Variants in ROS1 observed in about 807,000 individuals in gnomAD.
ROS1 encodes the protein ROS proto-oncogene 1, receptor tyrosine kinase.
A neutral mutation model predicts 273.5 loss-of-function variants in ROS1; 263 were observed. The observed-to-expected ratio is 0.96, with a 90% confidence interval of 0.87 to 1.06. ROS1 has a LOEUF of 1.06. ROS1 is among the 50% of genes least tolerant of loss of function. The pLI, the probability that ROS1 is intolerant of heterozygous loss-of-function variation, is 0.00. For missense variants in ROS1, 2,833 were observed against 2,751.1 expected (o/e 1.03, Z -0.67); for synonymous variants, 1,008 against 954.1 (o/e 1.06, Z -1.04).
intron 4 of ROS1, among the ~76,000 whole-genome samples, chr6:117,414,246 T>C (rs551432442): frequency 6.6e-6 from 1 of 152,190 alleles, no homozygotes; most frequent in Non-Finnish European, 1.5e-5. Context: ...CCAAACCAGA[T>C]TAGAGTAATA....
intron 9 of ROS1, 96 bp from the exon 10 acceptor site, chr6:117,394,834 C>G: frequency 8.9e-7 from 1 of 1,123,650 alleles, no homozygotes; most frequent in Non-Finnish European, 1.2e-6. Context: ...AGCAAGGGGA[C>G]TAGTGCTTGA....
chr6:117,300,475 T>C (rs1392221630), intron 43 of ROS1, among the ~76,000 whole-genome samples: 2 of 151,770 alleles, frequency 1.3e-5, no homozygotes, highest in Admixed American at 1.3e-4. Flanking sequence ...CAGGAAAACA[T>C]ACAAATGAAA....
At position 117,308,813 on chromosome 6, in the gene ROS1, T is replaced by A. The variant is rs1224719700; in HGVS notation, c.6532A>T (p.Arg2178Ter). 3.7e-6 allele frequency: 6 copies of A among 1,613,148 alleles called. No homozygotes were observed. Among genetic ancestry groups the A allele is most frequent in the Non-Finnish European group, 5.1e-6 (6 of 1,179,584 alleles). The change falls in exon 42 of 44, where the codon AGA becomes TGA. Residue 2178 changes from arginine to a stop codon, truncating the protein, a stop_gained. Transcript: ENST00000368507. LOFTEE classifies it high-confidence loss of function. ...ACTTACAGATCATCAGGACAATTTC[T>A]TGGTGGCTCCAGTCTCCCTCCTGTT... ...VQTGGRLEPPRNCPDDLWNLM... is the reference protein window; with the variant it reads ...VQTGGRLEPP
Position 117,357,808 on chromosome 6 carries a change from A to G in ROS1, c.3835T>C (p.Leu1279=). 1 of 1,589,064 alleles carries G rather than the reference A, an allele frequency of 6.3e-7. No individual in the cohort carries two copies. The highest frequency in any genetic ancestry group is 8.6e-7 in the Non-Finnish European group (1 of 1,159,190). The change falls in exon 25 of 44, where the codon TTA becomes CTA. Residue 1279 remains leucine (L), a synonymous_variant. Transcript: ENST00000368507. ...TIISFSVYPL[L]SRLYWTEVSN... is the part of the protein sequence containing the mutation. ...AAAATACTTGCATTTACATACCTTA[A>G]AAGAGGATATACAGAAAAAGAAATT...
chr6:117,344,244 A>G lies in ROS1; in HGVS notation c.4322T>C (p.Leu1441Pro), dbSNP rs2128626335. The G allele has an allele frequency of 1.2e-6, 2 of 1,613,562 alleles. No individual in the cohort carries two copies. Among genetic ancestry groups the G allele is most frequent in the African/African-American group, 1.3e-5 (1 of 75,036 alleles). The change falls in exon 28 of 44, where the codon CTA becomes CCA. Residue 1441 changes from leucine (L) to proline (P), a missense_variant. Transcript: ENST00000368507. ...QPFPDKAFLS[L>P]ASDTVEPTIL... is the part of the protein sequence containing the mutation. Reference sequence around the variant, plus strand: ...AGTTGGTTCCACAGTGTCTGAAGCTAGAGACAGAAACGCTTTATCTAAAAT... The same window carrying G: ...AGTTGGTTCCACAGTGTCTGAAGCTGGAGACAGAAACGCTTTATCTAAAAT...
At chr6:117,421,980 C>T (rs1775793583) in intron 1 of ROS1, among the ~76,000 whole-genome samples, 1 of 152,080 alleles carries the variant, frequency 6.6e-6, no homozygotes, top group African/African-American at 2.4e-5. Flanking sequence ...TAAACACTTG[C>T]TTTGTTTTGT....
Position 117,319,864 on chromosome 6 carries a change from T to G in ROS1, c.5922+4A>C, listed in dbSNP as rs748051727. 32 of 1,611,892 alleles carry G rather than the reference T, an allele frequency of 2.0e-5. No individual in the cohort carries two copies. In the South Asian group the frequency reaches 3.4e-4, roughly 17 times the overall value. On this transcript the variant is annotated splice_donor_region_variant and intron_variant, in intron 37 of 43. Transcript: ENST00000368507. Reference sequence around the variant, plus strand: ...GTGTCAAGGAGTTCGAAGATTCACATTACCTTCACTGCTACTTTGATTTCT... The same window carrying G: ...GTGTCAAGGAGTTCGAAGATTCACAGTACCTTCACTGCTACTTTGATTTCT...
At chr6:117,352,038 G>A (rs1778906710) in intron 27 of ROS1, among the ~76,000 whole-genome samples, 1 of 152,102 alleles carries the variant, frequency 6.6e-6, no homozygotes, top group South Asian at 2.1e-4. Flanking sequence ...GCACCTTAGT[G>A]GCAAAGACGG....
chr6:117,396,942 T>C lies in ROS1; in HGVS notation c.779A>G (p.Tyr260Cys). 1 of 1,613,932 alleles carries C rather than the reference T, an allele frequency of 6.2e-7. No individual in the cohort carries two copies. Among genetic ancestry groups the C allele is most frequent in the Non-Finnish European group, 8.5e-7 (1 of 1,179,822 alleles). ...GTAGATAGTATTTGGTAAAGTGGAGTAAAACTGGAAACTGGTTCTCTGTGT... is the reference window on the plus strand; with the variant it reads ...GTAGATAGTATTTGGTAAAGTGGAGCAAAACTGGAAACTGGTTCTCTGTGT... ...AGTQRTSFQF[Y>C]STLPNTIYRF... The change falls in exon 8 of 44, where the codon TAC becomes TGC. Residue 260 changes from tyrosine to cysteine, a missense_variant. Transcript: ENST00000368507.
At chr6:117,421,931 G>A (rs940790175) in intron 1 of ROS1, among the ~76,000 whole-genome samples, 2 of 152,106 alleles carry the variant, frequency 1.3e-5, no homozygotes, top group African/African-American at 4.8e-5. Flanking sequence ...CAAGATTACA[G>A]AAACAGTCAC....
intron 42 of ROS1, among the ~76,000 whole-genome samples, chr6:117,306,612 T>C (rs75805117): frequency 3.9e-4 from 60 of 152,326 alleles, no homozygotes; most frequent in African/African-American, 1.4e-3. Flanking sequence ...TGGGCTCACC[T>C]GACCTGGAGT....
chr6:117,422,643 A>G (rs2128750619), intron 1 of ROS1, among the ~76,000 whole-genome samples: 1 of 152,218 alleles, frequency 6.6e-6, no homozygotes, highest in Non-Finnish European at 1.5e-5. Flanking sequence ...AATCTTCCAA[A>G]TCCTATTATT....
chr6:117,370,868 G>C (rs952672202), intron 18 of ROS1, among the ~76,000 whole-genome samples: 1 of 152,120 alleles, frequency 6.6e-6, no homozygotes, highest in Non-Finnish European at 1.5e-5. Flanking sequence ...GGAACAAGGA[G>C]CTGAGACACA....
chr6:117,418,564 A>C, intron 1 of ROS1, 58 bp from the exon 2 acceptor site: 1 of 1,284,876 alleles, frequency 7.8e-7, no homozygotes, highest in Non-Finnish European at 1.1e-6. Context: ...CCGTGTAACT[A>C]ACACACCTTT....
In ROS1 at chr6:117,288,585, T is replaced by G; in HGVS notation, c.6933A>C (p.Gln2311His). 3 of 1,614,196 alleles carry G rather than the reference T, an allele frequency of 1.9e-6. No individual in the cohort carries two copies. The highest frequency in any genetic ancestry group is 2.5e-6 in the Non-Finnish European group (3 of 1,180,030). Residue 2311 changes from glutamine to histidine, a missense_variant, in exon 44 of 44, where the codon CAA (glutamine) becomes CAC (histidine). Coordinates refer to ENST00000368507, the MANE Select transcript of ROS1 (RefSeq NM_001378902.1). ...AAGGGCAGTAAGCCACTTGTTTTTC[T>G]TGGCAGAAATCTTTGTCTGCATGTG... Reference protein sequence around the residue: ...KEPHADKDFCQEKQVAYCPSG... With the variant: ...KEPHADKDFCHEKQVAYCPSG...
intron 7 of ROS1, among the ~76,000 whole-genome samples, chr6:117,398,908 G>A (rs1450990830): frequency 1.3e-5 from 2 of 151,640 alleles, no homozygotes; most frequent in African/African-American, 2.4e-5. Flanking sequence ...AGGAGGTGGA[G>A]GTTGCAGTGA....
At chr6:117,352,591 A>G (rs1275184400) in intron 27 of ROS1, among the ~76,000 whole-genome samples, 2 of 152,258 alleles carry the variant, frequency 1.3e-5, no homozygotes, top group African/African-American at 4.8e-5. Flanking sequence ...TGCATACTGC[A>G]TAGTAACAGA....
intron 5 of ROS1, among the ~76,000 whole-genome samples, chr6:117,408,910 T>G (rs1774656531): frequency 6.6e-6 from 1 of 152,120 alleles, no homozygotes; most frequent in African/African-American, 2.4e-5. Flanking sequence ...TCCTGTCCTT[T>G]GTAGGGACAT....
chr6:117,345,427 T>C (rs1022788231), intron 27 of ROS1, among the ~76,000 whole-genome samples: 2 of 152,242 alleles, frequency 1.3e-5, no homozygotes, highest in South Asian at 4.1e-4. Flanking sequence ...TGGTTTTGGT[T>C]TTCTTTTGCT....
Sources: allele counts gnomAD v4.1 joint callset (sites outside exome capture counted in the v4.1 genomes callset), GRCh38; gene constraint gnomAD v4.1.1; transcripts MANE v1.5; gene names NCBI Gene and HGNC (gene_info 2026-07-23, HGNC 2026-07-21).